The following GZMH variants were observed in gnomAD, a reference collection of about 807,000 sequenced individuals.
The protein encoded by GZMH is cathepsin G-like 2, protein h-CCPX.
GZMH carries 24 observed loss-of-function variants against 20.7 expected under a neutral mutation model. The ratio of observed to expected loss-of-function variants is 1.16; its 90% CI spans 0.84 to 1.63. The LOEUF (loss-of-function observed/expected upper bound fraction) is 1.63. GZMH is among the 40% of genes most tolerant of loss of function. The pLI, the probability that GZMH is intolerant of heterozygous loss-of-function variation, is 0.00. For synonymous variants in GZMH, 119 were observed against 116.1 expected (o/e 1.02, Z -0.16); for missense variants, 344 against 302.7 (o/e 1.14, Z -1.01).
rs745934038 is a variant in GZMH at position 24,607,191 on chromosome 14, C to A, written c.555G>T (p.Glu185Asp). 2.5e-6 allele frequency: 4 copies of A among 1,613,976 alleles called. No individual in the cohort carries two copies. In the Admixed American group the frequency reaches 5.0e-5, roughly 20 times the overall value. Residue 185 changes from glutamate (E) to aspartate (D), a missense_variant, in exon 4 of 5, where the codon GAG (glutamate) becomes GAT (aspartate). By Grantham distance (45) the Glu-to-Asp change is conservative. Transcript: ENST00000216338. ...LFHGNYSRAT[E>D]ICVGDPKKTQ... ...TCTTCTTTGGATCCCCCACACAAAT[C>A]TCAGTGGCTCTGCTGTAATTGCCAT...
At chr14:24,608,701 G>A (rs1251501208) in intron 1 of GZMH, among the ~76,000 whole-genome samples, 6 of 152,242 alleles carry the variant, frequency 3.9e-5, no homozygotes, top group African/African-American at 1.2e-4. Context: ...GAGCCCCAGA[G>A]GATCCTGGAC....
At chr14:24,608,649 G>T (rs781079744) in intron 1 of GZMH, among the ~76,000 whole-genome samples, 75 of 152,200 alleles carry the variant, frequency 4.9e-4, no homozygotes, top group Admixed American at 9.8e-4. Context: ...TCCTACTGCA[G>T]AAACACACAT....
chr14:24,606,673 G>A lies in GZMH; in HGVS notation c.671C>T (p.Thr224Ile). 1 of 1,613,612 alleles carries A rather than the reference G, an allele frequency of 6.2e-7. No homozygotes were observed. Among genetic ancestry groups the A allele is most frequent in the Non-Finnish European group, 8.5e-7 (1 of 1,179,518 alleles). The change falls in exon 5 of 5, where the codon ACA becomes ATA. Residue 224 changes from threonine (T) to isoleucine (I), a missense_variant. Thr to Ile is a moderately conservative substitution (Grantham distance 89). Coordinates refer to ENST00000216338, the MANE Select transcript of GZMH (RefSeq NM_033423.5). Reference sequence around the variant, plus strand: ...GACCTTGATGTAGACTCCTGGAGGTGTCCCTTTTTTGTTTCCATAGGAGAG... The same window carrying A: ...GACCTTGATGTAGACTCCTGGAGGTATCCCTTTTTTGTTTCCATAGGAGAG... ...GILSYGNKKG[T>I]PPGVYIKVSH...
chr14:24,609,137 G>A (rs2066893547), intron 1 of GZMH, among the ~76,000 whole-genome samples: 1 of 152,216 alleles, frequency 6.6e-6, no homozygotes, highest in Non-Finnish European at 1.5e-5. Context: ...TGCACCATGG[G>A]CTTCCCTCCT....
In GZMH at chr14:24,607,664, G is replaced by A. The variant is rs774980685; in HGVS notation, c.287C>T (p.Pro96Leu). 3.1e-6 allele frequency: 5 copies of A among 1,613,392 alleles called. No homozygotes were observed. Among genetic ancestry groups the A allele is most frequent in the Non-Finnish European group, 4.2e-6 (5 of 1,179,884 alleles). The change falls in exon 3 of 5, where the codon CCC becomes CTC. Residue 96 changes from proline to leucine, a missense_variant. Transcript: ENST00000216338. ...QQFIPVKRPIPHPAYNPKNFS... is the reference protein window; with the variant it reads ...QQFIPVKRPILHPAYNPKNFS... Reference sequence around the variant, plus strand: ...GTTCTTAGGATTATAGGCTGGATGGGGGATGGGTCTTTTCACAGGGATAAA... The same window carrying A: ...GTTCTTAGGATTATAGGCTGGATGGAGGATGGGTCTTTTCACAGGGATAAA...
At position 24,609,583 on chromosome 14, in the gene GZMH, G is replaced by T. The variant is rs775711636; in HGVS notation, c.31C>A (p.Leu11Ile). 1.9e-6 allele frequency: 3 copies of T among 1,611,468 alleles called. No homozygotes were observed. The highest frequency in any genetic ancestry group is 2.2e-5 in the South Asian group (2 of 90,396). The change falls in exon 1 of 5, where the codon CTT (leucine) becomes ATT (isoleucine). Residue 11 changes from leucine (L) to isoleucine (I), a missense_variant. By Grantham distance (5) the Leu-to-Ile change is conservative (BLOSUM62 2). Coordinates refer to ENST00000216338, the MANE Select transcript of GZMH (RefSeq NM_033423.5). MQPFLLLLAF[L>I]LTPGAGTEEI... ...CCTGTCCCAGCCCCAGGGGTCAGAAGAAAGGCCAACAGGAGGAGGAATGGC... is the reference window on the plus strand; with the variant it reads ...CCTGTCCCAGCCCCAGGGGTCAGAATAAAGGCCAACAGGAGGAGGAATGGC...
In GZMH at chr14:24,607,662, G is replaced by A; in HGVS notation, c.289C>T (p.His97Tyr). ...QFIPVKRPIP[H>Y]PAYNPKNFSN... ...AAGTTCTTAGGATTATAGGCTGGAT[G>A]GGGGATGGGTCTTTTCACAGGGATA... Residue 97 changes from histidine (H) to tyrosine (Y), a missense_variant, in exon 3 of 5, where the codon CAT becomes TAT. Transcript: ENST00000216338. 6.2e-7 allele frequency: 1 copy of A among 1,613,466 alleles called. No individual in the cohort carries two copies. Among genetic ancestry groups the A allele is most frequent in the Non-Finnish European group, 8.5e-7 (1 of 1,179,882 alleles).
intron 3 of GZMH, 57 bp downstream of exon 3, chr14:24,607,555 A>C: frequency 6.2e-7 from 1 of 1,611,658 alleles, no homozygotes; most frequent in Non-Finnish European, 8.5e-7. Flanking sequence ...CCGGCATCCC[A>C]GTGGGAGTGG....
Position 24,609,557 on chromosome 14 carries a change from A to T in GZMH, c.55+2T>A. The T allele has an allele frequency of 6.2e-7, 1 of 1,601,692 alleles. No individual in the cohort carries two copies. Among genetic ancestry groups the T allele is most frequent in the South Asian group, 1.1e-5 (1 of 89,486 alleles). ...GCCTCTGGAATAGGGATAGTCACTTACCTGTCCCAGCCCCAGGGGTCAGAA... is the reference window on the plus strand; with the variant it reads ...GCCTCTGGAATAGGGATAGTCACTTTCCTGTCCCAGCCCCAGGGGTCAGAA... On this transcript the variant is annotated splice_donor_variant, in intron 1 of 4. Transcript: ENST00000216338. LOFTEE classifies it high-confidence loss of function.
Position 24,607,225 on chromosome 14 carries a change from C to G in GZMH, c.521G>C (p.Arg174Pro), listed in dbSNP as rs769002213. 1.9e-6 allele frequency: 3 copies of G among 1,613,946 alleles called. No homozygotes were observed. Among genetic ancestry groups the G allele is most frequent in the Non-Finnish European group, 2.5e-6 (3 of 1,179,956 alleles). Reference protein sequence around the residue: ...LTVQKDCQCERLFHGNYSRAT... With the variant: ...LTVQKDCQCEPLFHGNYSRAT... Reference sequence around the variant, plus strand: ...TCTGCTGTAATTGCCATGGAAGAGACGTTCACACTGGCAGTCCTTCTGCAC... The same window carrying G: ...TCTGCTGTAATTGCCATGGAAGAGAGGTTCACACTGGCAGTCCTTCTGCAC... Residue 174 changes from arginine to proline, a missense_variant, in exon 4 of 5, where the codon CGT becomes CCT. Transcript: ENST00000216338.
intron 4 of GZMH, 74 bp downstream of exon 4, chr14:24,607,075 C>A: frequency 6.9e-7 from 1 of 1,457,404 alleles, no homozygotes; most frequent in Non-Finnish European, 9.4e-7. Flanking sequence ...AAGATCTGGC[C>A]ACTGTCATAC....
intron 1 of GZMH, 33 bp from the exon 2 acceptor site, chr14:24,608,445 G>A (rs1185887307): frequency 6.2e-7 from 1 of 1,612,936 alleles, no homozygotes; most frequent in Admixed American, 1.7e-5. Flanking sequence ...AAAGTAGCTG[G>A]GGATGGCTGC....
Position 24,606,535 on chromosome 14 carries a change from C to T in GZMH, c.*68G>A. 2 of 1,477,094 alleles carry T rather than the reference C, an allele frequency of 1.4e-6. No homozygotes were observed. Among genetic ancestry groups the T allele is most frequent in the Non-Finnish European group, 1.9e-6 (2 of 1,080,750 alleles). 91.5% of individuals were successfully genotyped at this position (1,477,094 alleles called of 1,614,324 possible). On this transcript the variant is annotated 3_prime_UTR_variant, in exon 5 of 5. Transcript: ENST00000216338. The stretch of plus-strand genomic sequence containing the variant: ...AGTCCTGCAACCCCGACTGCCCACC[C>T]CTTGGGGATTCTTGCCTCTGTCCCA...
At chr14:24,606,858 G>A (rs2066872925) in intron 4 of GZMH, 112 bp from the exon 5 acceptor site, 1 of 976,048 alleles carries the variant, frequency 1.0e-6, no homozygotes, top group Non-Finnish European at 1.6e-6. Context: ...ACCTCCCTCA[G>A]TCCTGGGTCT....
At position 24,609,635 on chromosome 14, in the gene GZMH, G is replaced by T. The variant is rs781067620; in HGVS notation, c.-22C>A. 1 of 1,599,986 alleles carries T rather than the reference G, an allele frequency of 6.3e-7. No individual in the cohort carries two copies. The highest frequency in any genetic ancestry group is 8.5e-7 in the Non-Finnish European group (1 of 1,169,666). On this transcript the variant is annotated 5_prime_UTR_variant, in exon 1 of 5. Transcript: ENST00000216338. ...GCATTTTCTCAGGAAGGCTGCCCAGGTCAGAGCTGTTGGTGTTGACTCCTT... is the reference window on the plus strand; with the variant it reads ...GCATTTTCTCAGGAAGGCTGCCCAGTTCAGAGCTGTTGGTGTTGACTCCTT...
In GZMH at chr14:24,606,738, G is replaced by C. The variant is rs756781704; in HGVS notation, c.606C>G (p.Ser202=). ...KKTQTGFKGD[S]GGPLVCKDVA... ...CGTCCTTACACACGAGGGGCCCCCC[G>C]GAGTCCCCCTGTGAACAGAGAGAGG... is the stretch of plus-strand genomic sequence containing the variant. The change falls in exon 5 of 5, where the codon TCC becomes TCG. Residue 202 remains serine (S), a synonymous_variant. Coordinates refer to ENST00000216338, the MANE Select transcript of GZMH (RefSeq NM_033423.5). 1 of 1,613,326 alleles carries C rather than the reference G, an allele frequency of 6.2e-7. No individual in the cohort carries two copies. The highest frequency in any genetic ancestry group is 1.3e-5 in the African/African-American group (1 of 75,008).
chr14:24,607,889 G>T, intron 2 of GZMH, 142 bp from the exon 3 acceptor site: 1 of 1,192,300 alleles, frequency 8.4e-7, no homozygotes. Flanking sequence ...AGGGCTGAGT[G>T]ACTGTGCCCT....
chr14:24,606,682 T>C lies in GZMH; in HGVS notation c.662A>G (p.Lys221Arg). Residue 221 changes from lysine to arginine, a missense_variant, in exon 5 of 5, where the codon AAA (lysine) becomes AGA (arginine). Transcript: ENST00000216338. Reference sequence around the variant, plus strand: ...GTAGACTCCTGGAGGTGTCCCTTTTTTGTTTCCATAGGAGAGAATACCTTG... The same window carrying C: ...GTAGACTCCTGGAGGTGTCCCTTTTCTGTTTCCATAGGAGAGAATACCTTG... ...VAQGILSYGNKKGTPPGVYIK... is the reference protein window; with the variant it reads ...VAQGILSYGNRKGTPPGVYIK... The C allele has an allele frequency of 1.2e-6, 2 of 1,614,000 alleles. No homozygotes were observed. Among genetic ancestry groups the C allele is most frequent in the Non-Finnish European group, 8.5e-7 (1 of 1,179,858 alleles).
chr14:24,609,606 G>A lies in GZMH; in HGVS notation c.8C>T (p.Pro3Leu), dbSNP rs1241768497. 1 of 1,610,632 alleles carries A rather than the reference G, an allele frequency of 6.2e-7. No individual in the cohort carries two copies. The highest frequency in any genetic ancestry group is 1.1e-5 in the South Asian group (1 of 90,332). Residue 3 changes from proline to leucine, a missense_variant, in exon 1 of 5, where the codon CCA becomes CTA. By Grantham distance (98) the Pro-to-Leu change is moderately conservative. Coordinates refer to ENST00000216338, the MANE Select transcript of GZMH (RefSeq NM_033423.5). ...AAGAAAGGCCAACAGGAGGAGGAAT[G>A]GCTGCATTTTCTCAGGAAGGCTGCC... Reference protein sequence around the residue: MQPFLLLLAFLLT... With the variant: MQLFLLLLAFLLT...
Sources: gnomAD v4.1 joint callset for allele counts (sites outside exome capture counted in the v4.1 genomes callset) on GRCh38, gnomAD v4.1.1 for gene constraint, MANE v1.5 for transcripts, NCBI Gene and HGNC (gene_info 2026-07-23, HGNC 2026-07-21) for gene names.